Variants in CACNB4 observed in about 807,000 individuals in gnomAD.
The protein encoded by CACNB4 is voltage-dependent L-type calcium channel subunit beta-4.
CACNB4 carries 32 observed loss-of-function variants against 71.2 expected under a neutral mutation model. The ratio of observed to expected loss-of-function variants is 0.45; its 90% CI spans 0.34 to 0.60. The LOEUF is 0.60. CACNB4 is among the 20% of genes least tolerant of loss of function. CACNB4 has a pLI of 0.01. For missense variants in CACNB4, 464 were observed against 647.9 expected, an observed-to-expected ratio of 0.72 and a Z score of 3.08; for synonymous variants, 231 against 236.9, an observed-to-expected ratio of 0.97 and a Z score of 0.23.
intron 2 of CACNB4, among the ~76,000 whole-genome samples, chr2:151,963,760 A>C (rs1289652894): frequency 6.6e-6 from 1 of 152,194 alleles, no homozygotes; most frequent in Non-Finnish European, 1.5e-5. Flanking sequence ...CCATGTGTAC[A>C]CAATGATTCA....
At chr2:151,950,574 T>G (rs1216735128) in intron 2 of CACNB4, among the ~76,000 whole-genome samples, 2 of 152,238 alleles carry the variant, frequency 1.3e-5, no homozygotes, top group African/African-American at 4.8e-5. Flanking sequence ...CAAACCTAGA[T>G]GCTCATCAGC....
chr2:151,971,032 T>C (rs2099872401), intron 2 of CACNB4: 1 of 151,920 alleles, frequency 6.6e-6, no homozygotes, highest in African/African-American at 2.4e-5. Flanking sequence ...CTGACTCAAG[T>C]GTGTTTCGGC....
chr2:151,848,582 CA>C (rs1360329360), intron 12 of CACNB4, among the ~76,000 whole-genome samples: 1 of 152,122 alleles, frequency 6.6e-6, no homozygotes. Flanking sequence ...GTCCATTCAG[CA>C]GTGGAAAATA....
intron 2 of CACNB4, among the ~76,000 whole-genome samples, chr2:152,093,754 G>A (rs1185609551): frequency 6.6e-6 from 1 of 152,190 alleles, no homozygotes; most frequent in Non-Finnish European, 1.5e-5. Context: ...CCACATGTGT[G>A]AGGCCACTCT....
At chr2:151,948,063 G>A (rs2099866029) in intron 2 of CACNB4, among the ~76,000 whole-genome samples, 1 of 152,176 alleles carries the variant, frequency 6.6e-6, no homozygotes, top group Admixed American at 6.5e-5. Context: ...ATGTGGGTAT[G>A]GATGATAGTG....
intron 2 of CACNB4, among the ~76,000 whole-genome samples, chr2:152,064,987 G>C (rs1686230033): frequency 6.6e-6 from 1 of 152,202 alleles, no homozygotes; most frequent in African/African-American, 2.4e-5. Flanking sequence ...GAAACTTCAA[G>C]ACCAGCAGAA....
chr2:151,961,181 T>C (rs1217722680), intron 2 of CACNB4, among the ~76,000 whole-genome samples: 2 of 152,180 alleles, frequency 1.3e-5, no homozygotes, highest in African/African-American at 2.4e-5. Context: ...CACTATTATA[T>C]GTGGTGGGAA....
chr2:151,894,365 A>G (rs1185158684), intron 2 of CACNB4, among the ~76,000 whole-genome samples: 1 of 152,180 alleles, frequency 6.6e-6, no homozygotes, highest in African/African-American at 2.4e-5. Context: ...GATGCAGAAG[A>G]CTCATTTGAC....
chr2:151,841,717 T>G, intron 13 of CACNB4, 186 bp downstream of exon 13: 1 of 527,386 alleles, frequency 1.9e-6, no homozygotes, highest in South Asian at 2.9e-5. Context: ...CTCAGGAAAT[T>G]GTCAGTCTCT....
At chr2:151,868,936 G>C (rs1043180914) in intron 9 of CACNB4, 3 of 265,512 alleles carry the variant, frequency 1.1e-5, no homozygotes, top group Non-Finnish European at 2.1e-5. Flanking sequence ...AGAAAATAAA[G>C]ATATATACAT....
chr2:151,944,666 C>T (rs2099865141), intron 2 of CACNB4, among the ~76,000 whole-genome samples: 1 of 152,136 alleles, frequency 6.6e-6, no homozygotes, highest in South Asian at 2.1e-4. Context: ...ATGGCACACG[C>T]CTGTAATCCC....
At chr2:151,993,918 T>A (rs1372771591) in intron 2 of CACNB4, among the ~76,000 whole-genome samples, 1 of 148,444 alleles carries the variant, frequency 6.7e-6, no homozygotes, top group East Asian at 2.2e-4. Context: ...ATGCCTGTAA[T>A]CCCAGCACTT....
intron 2 of CACNB4, among the ~76,000 whole-genome samples, chr2:152,048,349 T>C (rs575554912): frequency 5.9e-5 from 9 of 152,296 alleles, no homozygotes; most frequent in African/African-American, 1.7e-4. Context: ...ATCTGAATGC[T>C]CTTCACCCAT....
chr2:151,925,627 T>C (rs1519710), intron 2 of CACNB4, among the ~76,000 whole-genome samples: 129,637 of 150,164 alleles, frequency 0.86, 57,107 homozygotes, highest in Middle Eastern at 0.97. Flanking sequence ...TTCAAAGGAG[T>C]AGGGTGGATA....
chr2:152,067,231 T>C (rs527825732), intron 2 of CACNB4, among the ~76,000 whole-genome samples: 259 of 152,250 alleles, frequency 1.7e-3, no homozygotes, highest in Non-Finnish European at 3.3e-3. Context: ...CAGAAGCAAA[T>C]GGACACATGC....
At chr2:151,977,680 T>G (rs2099874061) in intron 2 of CACNB4, among the ~76,000 whole-genome samples, 1 of 152,344 alleles carries the variant, frequency 6.6e-6, no homozygotes, top group African/African-American at 2.4e-5. Flanking sequence ...CTGGTGCAGA[T>G]TTAGAAGCAA....
intron 2 of CACNB4, among the ~76,000 whole-genome samples, chr2:152,042,436 G>A (rs767953192): frequency 6.6e-6 from 1 of 151,982 alleles, no homozygotes; most frequent in Non-Finnish European, 1.5e-5. Flanking sequence ...TGGACCTTTC[G>A]GGCCTCTGAG....
chr2:152,043,698 G>T (rs967370631), intron 2 of CACNB4, among the ~76,000 whole-genome samples: 2 of 152,128 alleles, frequency 1.3e-5, no homozygotes, highest in African/African-American at 4.8e-5. Flanking sequence ...ATACACATAT[G>T]TACACCTACT....
intron 2 of CACNB4, among the ~76,000 whole-genome samples, chr2:151,890,509 C>T (rs1448226274): frequency 6.6e-6 from 1 of 152,180 alleles, no homozygotes; most frequent in Non-Finnish European, 1.5e-5. Context: ...AACATCCTCA[C>T]ACACCATTCC....
Sources: allele counts gnomAD v4.1 joint callset (sites outside exome capture counted in the v4.1 genomes callset), GRCh38; gene constraint gnomAD v4.1.1; transcripts MANE v1.5; gene names NCBI Gene and HGNC (gene_info 2026-07-23, HGNC 2026-07-21).